Variants in OTUD7B observed in about 807,000 individuals in gnomAD.
The protein encoded by OTUD7B is OTU deubiquitinase 7B.
In OTUD7B, 34 loss-of-function variants were observed where a neutral mutation model predicts 82.2. The observed-to-expected ratio is 0.41, with a 90% CI of 0.31 to 0.55. The LOEUF is 0.55. Among genes scored for constraint, OTUD7B ranks in the 20% least tolerant of loss-of-function variants. OTUD7B has a pLI of 0.20. For missense variants in OTUD7B, 944 were observed against 1,062.1 expected (o/e 0.89, Z 1.55); for synonymous variants, 398 against 402.7 (o/e 0.99, Z 0.14).
chr1:149,967,433 C>T lies in OTUD7B; in HGVS notation c.363G>A (p.Gly121=), dbSNP rs781997266. 6.2e-7 allele frequency: 1 copy of T among 1,614,066 alleles called. No homozygotes were observed. The highest frequency in any genetic ancestry group is 1.3e-5 in the African/African-American group (1 of 75,026). The change falls in exon 4 of 12, where the codon GGG becomes GGA. Residue 121 remains glycine (G), a synonymous_variant. Coordinates refer to ENST00000581312, the MANE Select transcript of OTUD7B (RefSeq NM_020205.4). ...RSHVSSNGGG[G]GSNEHPLEMP... is the part of the protein sequence containing the mutation. Reference sequence around the variant, plus strand: ...TTTCCAGGGGGTGCTCATTGCTCCCCCCACCCCCACCATTGGAGGAGACAT... The same window carrying T: ...TTTCCAGGGGGTGCTCATTGCTCCCTCCACCCCCACCATTGGAGGAGACAT...
the OTUD7B span, among the ~76,000 whole-genome samples, chr1:150,034,010 G>A: frequency 4.6e-5 from 7 of 152,170 alleles, no homozygotes; most frequent in South Asian, 2.1e-4. Context: ...GTGAGCCACC[G>A]CACCCAGCCT....
chr1:149,944,263 T>G lies in OTUD7B; in HGVS notation c.2126A>C (p.Gln709Pro). Residue 709 changes from glutamine to proline, a missense_variant, in exon 12 of 12, where the codon CAG (glutamine) becomes CCG (proline). Physicochemically the swap from Gln to Pro is moderately conservative, Grantham distance 76. Coordinates refer to ENST00000581312, the MANE Select transcript of OTUD7B (RefSeq NM_020205.4). Reference protein sequence around the residue: ...PRPSGGGVHCQEPRRQLAGGP... With the variant: ...PRPSGGGVHCPEPRRQLAGGP... Reference sequence around the variant, plus strand: ...CCCTGCCAACTGCCTCCGGGGTTCCTGGCAGTGGACTCCGCCCCCAGACGG... The same window carrying G: ...CCCTGCCAACTGCCTCCGGGGTTCCGGGCAGTGGACTCCGCCCCCAGACGG... 1 of 1,611,382 alleles carries G rather than the reference T, an allele frequency of 6.2e-7. No homozygotes were observed. The highest frequency in any genetic ancestry group is 8.5e-7 in the Non-Finnish European group (1 of 1,178,352).
chr1:149,960,052 TCACC>T (rs1180948145), intron 6 of OTUD7B, among the ~76,000 whole-genome samples: 4 of 152,166 alleles, frequency 2.6e-5, no homozygotes, highest in Non-Finnish European at 5.9e-5. Context: ...TCCATCCTGC[TCACC>T]CACCTGCCAC....
chr1:149,940,154 C>T lies in OTUD7B; in HGVS notation c.*3703G>A, dbSNP rs782384094. 1.3e-5 allele frequency: 2 copies of T among 151,954 alleles called. No homozygotes were observed. The highest frequency in any genetic ancestry group is 2.9e-5 in the Non-Finnish European group (2 of 67,998). 9.4% of individuals were successfully genotyped at this position (151,954 alleles called of 1,614,324 possible). Reference sequence around the variant, plus strand: ...TATTCTTTTGGGCTCAGTATCACCCCGCAGATATACAACACGAAGTCACTG... The same window carrying T: ...TATTCTTTTGGGCTCAGTATCACCCTGCAGATATACAACACGAAGTCACTG... On this transcript the variant is annotated 3_prime_UTR_variant, in exon 12 of 12. Transcript: ENST00000581312.
the OTUD7B span, among the ~76,000 whole-genome samples, chr1:150,024,160 A>G: frequency 6.6e-6 from 1 of 152,370 alleles, no homozygotes; most frequent in South Asian, 2.1e-4. Flanking sequence ...ATTCCATTCC[A>G]CAAGTTAAAT....
intron 1 of OTUD7B, among the ~76,000 whole-genome samples, chr1:149,982,284 G>A (rs1309024295): frequency 6.6e-6 from 1 of 151,724 alleles, no homozygotes; most frequent in East Asian, 1.9e-4. Flanking sequence ...CAGGTAGGTG[G>A]CCAAAAGTCT....
At chr1:149,951,754 T>C (rs770011687) in intron 7 of OTUD7B, among the ~76,000 whole-genome samples, 4 of 152,194 alleles carry the variant, frequency 2.6e-5, no homozygotes, top group Non-Finnish European at 5.9e-5. Context: ...TTATGTACAA[T>C]AAAATCTGCA....
the OTUD7B span, among the ~76,000 whole-genome samples, chr1:150,039,952 T>C: frequency 1.3e-5 from 2 of 152,334 alleles, no homozygotes; most frequent in South Asian, 2.1e-4. Flanking sequence ...TTTTTGTTGC[T>C]TCCTTTCCAG....
intron 1 of OTUD7B, among the ~76,000 whole-genome samples, chr1:150,004,756 T>A (rs1164490116): frequency 2.0e-5 from 3 of 152,116 alleles, no homozygotes; most frequent in Non-Finnish European, 2.9e-5. Flanking sequence ...TCAGGTATAG[T>A]CCTGTTTCCA....
the OTUD7B span, chr1:150,053,764 C>T: frequency 1.5e-4 from 28 of 186,124 alleles, no homozygotes; most frequent in Admixed American, 2.5e-4. Flanking sequence ...TCAATATCAC[C>T]GATCATTAGA....
intron 11 of OTUD7B, among the ~76,000 whole-genome samples, chr1:149,946,081 A>G (rs1647701056): frequency 1.4e-5 from 2 of 143,144 alleles, no homozygotes; most frequent in African/African-American, 5.2e-5. Context: ...AATAATAATA[A>G]TAATAATATG....
At chr1:149,992,493 T>TTTTTTTTC (rs1491503489) in intron 1 of OTUD7B, among the ~76,000 whole-genome samples, 1 of 2,792 alleles carries the variant, frequency 3.6e-4, no homozygotes, top group Non-Finnish European at 1.6e-3. Flanking sequence ...TTTTTTTTTT[T>TTTTTTTTC]AGTACAGAGT....
At chr1:149,993,854 G>C (rs782175456) in intron 1 of OTUD7B, among the ~76,000 whole-genome samples, 1 of 152,122 alleles carries the variant, frequency 6.6e-6, no homozygotes, top group African/African-American at 2.4e-5. Flanking sequence ...GCTTCCAATA[G>C]AATGTACTCT....
intron 6 of OTUD7B, chr1:149,962,937 T>C (rs1649257180): frequency 6.6e-6 from 1 of 152,190 alleles, no homozygotes; most frequent in Non-Finnish European, 1.5e-5. Context: ...AAAAAGAATG[T>C]CAAGTACTTA....
At position 150,006,350 on chromosome 1, in the gene OTUD7B, G is replaced by A. The variant is rs193165923; in HGVS notation, c.-67+4098C>T. On this transcript the variant is annotated intron_variant, in intron 1 of 11. Transcript: ENST00000581312. ...TGGGCGCCTGTAGTCCCAGCTACTC[G>A]GGAGGCTGAGGCAGGACAATGGCAT... Among the ~76,000 whole-genome samples the A allele has an allele frequency of 3.4e-3, 514 of 152,158 alleles. 4 individuals are homozygous for A. Among genetic ancestry groups the A allele is most frequent in the African/African-American group, 0.012 (490 of 41,504 alleles).
chr1:150,016,606 C>T, the OTUD7B span, among the ~76,000 whole-genome samples: 5 of 152,006 alleles, frequency 3.3e-5, no homozygotes, highest in African/African-American at 9.7e-5. Context: ...GCACCCACCA[C>T]CACGCCTGGC....
At chr1:149,954,241 G>A (rs1418928057) in intron 7 of OTUD7B, among the ~76,000 whole-genome samples, 1 of 152,130 alleles carries the variant, frequency 6.6e-6, no homozygotes, top group African/African-American at 2.4e-5. Context: ...AGTTTATTGA[G>A]AGTTTTTAGC....
At chr1:150,023,684 C>G in the OTUD7B span, among the ~76,000 whole-genome samples, 3 of 152,106 alleles carry the variant, frequency 2.0e-5, no homozygotes, top group Non-Finnish European at 4.4e-5. Context: ...GTTTCAGTTA[C>G]ACAAAAAGAG....
In OTUD7B at chr1:149,940,408, A is replaced by G. The variant is rs2092753424; in HGVS notation, c.*3449T>C. 1.3e-5 allele frequency: 2 copies of G among 152,178 alleles called. No homozygotes were observed. The highest frequency in any genetic ancestry group is 4.8e-5 in the African/African-American group (2 of 41,428). The allele number at this position is 152,178 out of a possible 1,614,324, so 9.4% of individuals were successfully genotyped here. On this transcript the variant is annotated 3_prime_UTR_variant, in exon 12 of 12. Transcript: ENST00000581312. ...CTTCTGGTTAAATCTTGTAACTTTC[A>G]ATAAATGCAGCATAGGTTAAGGGAG...
Sources: gnomAD v4.1 joint callset for allele counts (sites outside exome capture counted in the v4.1 genomes callset) on GRCh38, gnomAD v4.1.1 for gene constraint, MANE v1.5 for transcripts, NCBI Gene and HGNC (gene_info 2026-07-23, HGNC 2026-07-21) for gene names.